RAB30: variants seen among roughly 807,000 people sequenced by gnomAD.
RAB30 encodes RAB30, member RAS oncogene family.
In RAB30, 9 loss-of-function variants were observed where a neutral mutation model predicts 25.1. That is an observed-to-expected ratio of 0.36 (90% confidence interval 0.22 to 0.63). The LOEUF (loss-of-function observed/expected upper bound fraction) is 0.63. RAB30 is among the 20% of genes least tolerant of loss of function. RAB30 has a pLI of 0.69. For synonymous variants in RAB30, 77 were observed against 86.4 expected (o/e 0.89, Z 0.60); for missense variants, 140 against 243.5 (o/e 0.58, Z 2.83).
intron 1 of RAB30, among the ~76,000 whole-genome samples, chr11:83,006,919 T>C (rs144019198): frequency 1.3e-5 from 2 of 152,354 alleles, no homozygotes; most frequent in Non-Finnish European, 2.9e-5. Flanking sequence ...ATCCACAGTA[T>C]GGCAGCCAAA....
At chr11:83,007,835 C>A (rs537890056) in intron 1 of RAB30, among the ~76,000 whole-genome samples, 12,366 of 152,210 alleles carry the variant, frequency 0.081, 548 homozygotes, top group Middle Eastern at 0.16. Context: ...ACTCATCGAC[C>A]CCCTTCCAAG....
Position 82,974,295 on chromosome 11 carries a change from A to G in RAB30, c.*7870T>C, listed in dbSNP as rs895122485. On this transcript the variant is annotated 3_prime_UTR_variant, in exon 5 of 5. Coordinates refer to ENST00000527633, the MANE Select transcript of RAB30 (RefSeq NM_001286060.2). ...AAGAGATGCAACTTCATTTAAGAATATTTTGTTCAAGTTTGTATTCCCTCC... is the reference window on the plus strand; with the variant it reads ...AAGAGATGCAACTTCATTTAAGAATGTTTTGTTCAAGTTTGTATTCCCTCC... The G allele has an allele frequency of 6.6e-6, 1 of 152,162 alleles. No individual in the cohort carries two copies. The highest frequency in any genetic ancestry group is 6.5e-5 in the Admixed American group (1 of 15,278). The allele number at this position is 152,162 out of a possible 1,614,324, so 9.4% of individuals were successfully genotyped here.
intron 1 of RAB30, among the ~76,000 whole-genome samples, chr11:83,002,045 A>G (rs1857097890): frequency 6.6e-6 from 1 of 152,312 alleles, no homozygotes; most frequent in Non-Finnish European, 1.5e-5. Flanking sequence ...AAAATCACAC[A>G]GCTAGTTAGT....
intron 1 of RAB30, among the ~76,000 whole-genome samples, chr11:83,067,199 G>A (rs372927441): frequency 2.0e-5 from 3 of 152,108 alleles, no homozygotes; most frequent in East Asian, 1.9e-4. Context: ...GAATTCCTCC[G>A]AAGTAAACAG....
At position 83,056,517 on chromosome 11, in the gene RAB30, C is replaced by T. The variant is rs180929917; in HGVS notation, c.-9+15174G>A. On this transcript the variant is annotated intron_variant, in intron 1 of 4. Transcript: ENST00000527633. ...TAATCATAAAGATGTGTTTCAACCA[C>T]CTCTATAGTTCTCAAGGTGCCTGAC... 2.5e-3 allele frequency among the ~76,000 whole-genome samples: 380 copies of T among 152,290 alleles called. 1 individual carries two copies. Among genetic ancestry groups the T allele is most frequent in the African/African-American group, 8.6e-3 (359 of 41,558 alleles).
intron 3 of RAB30, among the ~76,000 whole-genome samples, chr11:82,991,666 T>C (rs1392209055): frequency 6.6e-6 from 1 of 152,202 alleles, no homozygotes; most frequent in Non-Finnish European, 1.5e-5. Context: ...CTTTATTTTA[T>C]ATATTGGGCT....
intron 1 of RAB30, among the ~76,000 whole-genome samples, chr11:83,042,730 G>A (rs1031970105): frequency 6.6e-6 from 1 of 152,110 alleles, no homozygotes; most frequent in South Asian, 2.1e-4. Flanking sequence ...TACAACCTCA[G>A]CTTTAGAATT....
chr11:82,982,124 A>G lies in RAB30; in HGVS notation c.*41T>C, dbSNP rs747795823. 7.4e-6 allele frequency: 12 copies of G among 1,611,468 alleles called. No individual in the cohort carries two copies. In the South Asian group the frequency reaches 1.1e-4, roughly 15 times the overall value. On this transcript the variant is annotated 3_prime_UTR_variant, in exon 5 of 5. Coordinates refer to ENST00000527633, the MANE Select transcript of RAB30 (RefSeq NM_001286060.2). The stretch of plus-strand genomic sequence containing the variant: ...TCTCCCCAGCATCTCATGGCCCATC[A>G]GGGCAGTTGCTGATTCCTTTTCTTC...
At chr11:83,028,425 T>C (rs1044436814) in intron 1 of RAB30, among the ~76,000 whole-genome samples, 1 of 151,976 alleles carries the variant, frequency 6.6e-6, no homozygotes, top group Non-Finnish European at 1.5e-5. Context: ...TAACAATATA[T>C]TCAATAAAAT....
At chr11:83,058,828 C>T (rs1277871131) in intron 1 of RAB30, among the ~76,000 whole-genome samples, 3 of 152,214 alleles carry the variant, frequency 2.0e-5, no homozygotes, top group Non-Finnish European at 2.9e-5. Flanking sequence ...TGCCCAAGAT[C>T]GTGTAGCATG....
rs568674800 is a variant in RAB30 at position 83,037,501 on chromosome 11, C to T, written c.-9+34190G>A. Among the ~76,000 whole-genome samples, 106 of 152,214 alleles carry T rather than the reference C, an allele frequency of 7.0e-4. 2 individuals carry two copies. The highest frequency in any genetic ancestry group is 1.2e-3 in the Non-Finnish European group (80 of 68,014). ...CTGACCTCACGTGATCCACTCACCT[C>T]GGCCTCCCAAAGTGCTGGGATTACA... On this transcript the variant is annotated intron_variant, in intron 1 of 4. Coordinates refer to ENST00000527633, the MANE Select transcript of RAB30 (RefSeq NM_001286060.2).
chr11:83,065,970 T>C (rs1858687774), intron 1 of RAB30, among the ~76,000 whole-genome samples: 1 of 152,236 alleles, frequency 6.6e-6, no homozygotes, highest in Non-Finnish European at 1.5e-5. Context: ...CAAAGGTTCA[T>C]GGTCTTCCTG....
intron 1 of RAB30, chr11:83,041,362 A>T (rs1858110648): frequency 5.8e-6 from 1 of 170,954 alleles, no homozygotes; most frequent in Non-Finnish European, 1.3e-5. Context: ...GCCAGTATGA[A>T]CCCTGATCAA....
At chr11:82,998,237 A>G (rs1181035156) in intron 1 of RAB30, among the ~76,000 whole-genome samples, 1 of 152,198 alleles carries the variant, frequency 6.6e-6, no homozygotes, top group East Asian at 1.9e-4. Context: ...CTATAGAAAT[A>G]AAAAATTAAT....
chr11:83,039,709 T>C (rs999593246), intron 1 of RAB30, among the ~76,000 whole-genome samples: 25 of 151,992 alleles, frequency 1.6e-4, no homozygotes, highest in Admixed American at 6.6e-4. Flanking sequence ...CTCTGAGCAG[T>C]AGGCAGATAA....
intron 1 of RAB30, among the ~76,000 whole-genome samples, chr11:83,062,634 T>C (rs1488139686): frequency 6.6e-6 from 1 of 152,182 alleles, no homozygotes; most frequent in Non-Finnish European, 1.5e-5. Context: ...TATGTGCACA[T>C]AAATTTGCCA....
chr11:82,986,759 A>C (rs1168157342), intron 4 of RAB30, among the ~76,000 whole-genome samples: 1 of 152,218 alleles, frequency 6.6e-6, no homozygotes, highest in Non-Finnish European at 1.5e-5. Flanking sequence ...GGATCATGAC[A>C]CATAAAGTTC....
chr11:83,048,097 C>T lies in RAB30; in HGVS notation c.-9+23594G>A, dbSNP rs547650531. Reference sequence around the variant, plus strand: ...TGTCTCTACAAAAAATAAAACGATGCTCACTTCTCTCCACAAGGCCCCGTA... The same window carrying T: ...TGTCTCTACAAAAAATAAAACGATGTTCACTTCTCTCCACAAGGCCCCGTA... On this transcript the variant is annotated intron_variant, in intron 1 of 4. Coordinates refer to ENST00000527633, the MANE Select transcript of RAB30 (RefSeq NM_001286060.2). Among the ~76,000 whole-genome samples the T allele has an allele frequency of 1.2e-4, 18 of 152,174 alleles. No individual in the cohort carries two copies. The South Asian group carries it at 3.7e-3, about 32-fold the overall frequency.
Position 82,977,664 on chromosome 11 carries a change from TC to T in RAB30, c.*4500del, listed in dbSNP as rs1391925002. ...TCTTGTTCTAATGCACTAATTGTAT[TC>T]CCCTCTTTTTCCTAACCTAAGTCTC... On this transcript the variant is annotated 3_prime_UTR_variant, in exon 5 of 5. Coordinates refer to ENST00000527633, the MANE Select transcript of RAB30 (RefSeq NM_001286060.2). The T allele has an allele frequency of 6.6e-6, 1 of 152,166 alleles. No homozygotes were observed. Among genetic ancestry groups the T allele is most frequent in the East Asian group, 1.9e-4 (1 of 5,198 alleles). 9.4% of individuals were successfully genotyped at this position (152,166 alleles called of 1,614,324 possible). A position where few individuals can be genotyped will look rare whatever the true frequency, so the allele number is the denominator to read the frequency against.
Sources: allele counts gnomAD v4.1 joint callset (sites outside exome capture counted in the v4.1 genomes callset), GRCh38; gene constraint gnomAD v4.1.1; transcripts MANE v1.5; gene names NCBI Gene and HGNC (gene_info 2026-07-23, HGNC 2026-07-21).